The following ALG12 variants were observed in gnomAD, a reference collection of about 807,000 sequenced individuals.
ALG12 encodes the protein ALG12 alpha-1,6-mannosyltransferase, also known as dol-P-Man:Man(7)GlcNAc(2)-PP-Dol alpha-1,6-mannosyltransferase.
In ALG12, 36 loss-of-function variants were observed where a neutral mutation model predicts 46.0. That is an observed-to-expected ratio of 0.78 (90% CI 0.60 to 1.03). The LOEUF is 1.03. Ranked by LOEUF, ALG12 falls within the 50% of genes least tolerant of loss-of-function variation. The probability of loss-of-function intolerance (pLI) is 0.00; values close to 1 mark genes in which losing one functional copy is unlikely to be tolerated. For synonymous variants in ALG12, 326 were observed against 291.6 expected (o/e 1.12, Z -1.20); for missense variants, 599 against 633.5 (o/e 0.95, Z 0.58).
chr22:49,914,361 C>A (rs901638782), intron 1 of ALG12, among the ~76,000 whole-genome samples: 5 of 152,238 alleles, frequency 3.3e-5, no homozygotes, highest in African/African-American at 1.2e-4. Flanking sequence ...GCCAGCAAAG[C>A]CCCCGCTCCC....
downstream of ALG12, among the ~76,000 whole-genome samples, chr22:49,896,088 C>T (rs1011516084): frequency 2.0e-5 from 3 of 152,204 alleles, no homozygotes; most frequent in African/African-American, 4.8e-5. Context: ...CTTTCAGTGA[C>T]TGTTGCTGCA....
At chr22:49,860,779 CT>C in the ALG12 span, among the ~76,000 whole-genome samples, 5,220 of 137,498 alleles carry the variant, frequency 0.038, 202 homozygotes, top group African/African-American at 0.12. Context: ...TCTAAGCAAC[CT>C]TTTTTTTTTT....
At chr22:49,872,187 C>G in the ALG12 span, among the ~76,000 whole-genome samples, 1 of 152,186 alleles carries the variant, frequency 6.6e-6, no homozygotes, top group Non-Finnish European at 1.5e-5. Context: ...GTTGTTTTAT[C>G]AATTATGCTT....
downstream of ALG12, among the ~76,000 whole-genome samples, chr22:49,897,663 CTTTTTTTTTTTTT>C (rs146468551): frequency 9.6e-6 from 1 of 103,656 alleles, no homozygotes; most frequent in Non-Finnish European, 1.9e-5. Context: ...CCCATGTTTT[CTTTTTTTTTTTTT>C]TTTTTTTTTG....
rs187941530 is a variant in ALG12 at position 49,900,790 on chromosome 22, C to T, written c.*3048G>A. ...GGCACGGTTCTGTGCTGTTTCAGAT[C>T]TGTACACACATATTACATATGTACG... On this transcript the variant is annotated 3_prime_UTR_variant, in exon 10 of 10. Coordinates refer to ENST00000330817, the MANE Select transcript of ALG12 (RefSeq NM_024105.4). 6 of 152,416 alleles carry T rather than the reference C, an allele frequency of 3.9e-5. No homozygotes were observed. The highest frequency in any genetic ancestry group is 8.8e-5 in the Non-Finnish European group (6 of 68,066). 9.4% of individuals were successfully genotyped at this position (152,416 alleles called of 1,614,324 possible). A position where few individuals can be genotyped will look rare whatever the true frequency, so the allele number is the denominator to read the frequency against.
At chr22:49,917,701 G>T (rs372491199) in intron 1 of ALG12, among the ~76,000 whole-genome samples, 3 of 112,110 alleles carry the variant, frequency 2.7e-5, no homozygotes, top group African/African-American at 8.3e-5. Flanking sequence ...CAAATCAGAT[G>T]TTACTTTTTT....
the ALG12 span, among the ~76,000 whole-genome samples, chr22:49,862,920 T>C: frequency 6.6e-6 from 1 of 152,194 alleles, no homozygotes; most frequent in African/African-American, 2.4e-5. Flanking sequence ...CAGGCTGGTC[T>C]CGAACTCCTG....
chr22:49,884,300 C>T, the ALG12 span: 128 of 1,612,994 alleles, frequency 7.9e-5, no homozygotes, highest in Non-Finnish European at 9.6e-5. Flanking sequence ...CAGAAAGTGG[C>T]GTCTAAGATC....
At chr22:49,886,713 T>G in the ALG12 span, 1 of 1,613,396 alleles carries the variant, frequency 6.2e-7, no homozygotes, top group South Asian at 1.1e-5. The surrounding 1 kb of genome is among the most constrained non-coding windows in gnomAD (Gnocchi z 7.7). Context: ...CCTCCCTGTT[T>G]ACGGAGGAGG....
chr22:49,883,920 G>C, the ALG12 span: 14 of 1,610,534 alleles, frequency 8.7e-6, no homozygotes, highest in Non-Finnish European at 1.0e-5. Flanking sequence ...ATGGCGCGCT[G>C]TTCTCCCAGT....
rs777484585 is a variant in ALG12 at position 49,913,585 on chromosome 22, G to A, written c.162+19C>T. 1.2e-5 allele frequency: 20 copies of A among 1,613,910 alleles called. No homozygotes were observed. The highest frequency in any genetic ancestry group is 1.4e-5 in the Non-Finnish European group (17 of 1,180,054). ...CTGGTAACATGAGGTTTTCCCCAAA[G>A]ACAGCAGGGGCCCCTCACCTGCTCC... On this transcript the variant is annotated intron_variant, in intron 2 of 9. Transcript: ENST00000330817.
At chr22:49,859,536 T>C in the ALG12 span, among the ~76,000 whole-genome samples, 1 of 152,158 alleles carries the variant, frequency 6.6e-6, no homozygotes, top group Middle Eastern at 3.4e-3. Context: ...GTCAGCTGCT[T>C]CTCCACAGCG....
At chr22:49,885,753 T>A in the ALG12 span, 1 of 1,603,786 alleles carries the variant, frequency 6.2e-7, no homozygotes, top group South Asian at 1.1e-5. Flanking sequence ...TCCCCGCCCC[T>A]TCCTACTTCT....
At chr22:49,897,479 C>T (rs894263580), downstream of ALG12, among the ~76,000 whole-genome samples, 3 of 152,158 alleles carry the variant, frequency 2.0e-5, no homozygotes, top group African/African-American at 7.2e-5. Flanking sequence ...ACATCCGCAC[C>T]AGCACTTGGC....
the ALG12 span, among the ~76,000 whole-genome samples, chr22:49,864,850 A>G: frequency 7.2e-6 from 1 of 139,820 alleles, no homozygotes; most frequent in South Asian, 2.3e-4. Context: ...GCCCTGATTA[A>G]ACCGTCGTAG....
At chr22:49,871,776 A>G in the ALG12 span, among the ~76,000 whole-genome samples, 2 of 139,014 alleles carry the variant, frequency 1.4e-5, no homozygotes, top group East Asian at 2.2e-4. Flanking sequence ...TTTTTTTGAG[A>G]CAGAGTCTTA....
At chr22:49,904,102 C>T in intron 9 of ALG12, 36 bp from the exon 10 acceptor site, 2 of 1,613,782 alleles carry the variant, frequency 1.2e-6, no homozygotes, top group Non-Finnish European at 1.7e-6. Context: ...GCCCAGGGCC[C>T]CCACATCGCC....
chr22:49,899,411 G>A (rs2060495181), downstream of ALG12, among the ~76,000 whole-genome samples: 2 of 151,640 alleles, frequency 1.3e-5, no homozygotes, highest in Admixed American at 6.6e-5. Context: ...CTGGGAGGCG[G>A]AGGTTGCAGT....
chr22:49,885,427 G>A, the ALG12 span: 2 of 1,609,050 alleles, frequency 1.2e-6, no homozygotes, highest in South Asian at 2.2e-5. Context: ...CATCAGCCGG[G>A]GGAAGAAGCC....
Sources: gnomAD v4.1 joint callset for allele counts (sites outside exome capture counted in the v4.1 genomes callset) on GRCh38, gnomAD v4.1.1 for gene constraint, Gnocchi (gnomAD v3.1) non-coding constraint, MANE v1.5 for transcripts, NCBI Gene and HGNC (gene_info 2026-07-23, HGNC 2026-07-21) for gene names.